The following C7orf78 variants were observed in gnomAD, a reference collection of about 807,000 sequenced individuals.
C7orf78 encodes the protein chromosome 7 open reading frame 78.
chr7:12,503,243 A>G, the C7orf78 span, among the ~76,000 whole-genome samples: 1 of 149,828 alleles, frequency 6.7e-6, no homozygotes, highest in Non-Finnish European at 1.5e-5. Context: ...TAATAAACAA[A>G]TAAATAAAAG....
the C7orf78 span, among the ~76,000 whole-genome samples, chr7:12,526,455 G>A: frequency 6.6e-6 from 1 of 151,928 alleles, no homozygotes. Context: ...GGATTAGGAG[G>A]GACAATATCT....
chr7:12,493,561 A>G, the C7orf78 span, among the ~76,000 whole-genome samples: 1 of 152,214 alleles, frequency 6.6e-6, no homozygotes, highest in East Asian at 1.9e-4. Context: ...AATGATACTC[A>G]TGCTCTTGGT....
chr7:12,521,799 A>G, the C7orf78 span, among the ~76,000 whole-genome samples: 1 of 151,882 alleles, frequency 6.6e-6, no homozygotes, highest in Non-Finnish European at 1.5e-5. Context: ...GGATGAATTT[A>G]AAACTTCTTA....
chr7:12,495,449 T>C, the C7orf78 span, among the ~76,000 whole-genome samples: 4 of 152,212 alleles, frequency 2.6e-5, no homozygotes, highest in Non-Finnish European at 5.9e-5. Flanking sequence ...AATATGGCTT[T>C]ATGAACCTGA....
the C7orf78 span, among the ~76,000 whole-genome samples, chr7:12,493,070 G>T: frequency 6.6e-6 from 1 of 152,090 alleles, no homozygotes; most frequent in African/African-American, 2.4e-5. Context: ...AGACATGGTG[G>T]CACATGCCTG....
chr7:12,532,510 C>T, the C7orf78 span, among the ~76,000 whole-genome samples: 3 of 149,694 alleles, frequency 2.0e-5, no homozygotes, highest in Non-Finnish European at 4.4e-5. Flanking sequence ...CATTGTGCCA[C>T]TGCACACCAG....
the C7orf78 span, chr7:12,506,821 G>GA: frequency 8.9e-5 from 37 of 416,776 alleles, no homozygotes; most frequent in South Asian, 3.6e-4. Flanking sequence ...CTACTGCACT[G>GA]AAAAAATACA....
At chr7:12,502,981 C>G in the C7orf78 span, among the ~76,000 whole-genome samples, 3 of 149,240 alleles carry the variant, frequency 2.0e-5, no homozygotes, top group African/African-American at 7.5e-5. Context: ...ACTATCGCAA[C>G]AACAAAAAAC....
chr7:12,528,599 A>G, the C7orf78 span, among the ~76,000 whole-genome samples: 154 of 152,342 alleles, frequency 1.0e-3, 2 homozygotes, highest in Non-Finnish European at 2.0e-3. Flanking sequence ...CCCTGACTTC[A>G]AACATATTTT....
chr7:12,499,221 T>C, the C7orf78 span, among the ~76,000 whole-genome samples: 1 of 151,746 alleles, frequency 6.6e-6, no homozygotes, highest in Admixed American at 6.6e-5. Flanking sequence ...CAGGATCAAA[T>C]TCACACATAA....
At chr7:12,529,529 A>G in the C7orf78 span, among the ~76,000 whole-genome samples, 1 of 152,214 alleles carries the variant, frequency 6.6e-6, no homozygotes, top group African/African-American at 2.4e-5. Flanking sequence ...ATGACCTGTA[A>G]CACAGTCTCA....
the C7orf78 span, among the ~76,000 whole-genome samples, chr7:12,539,666 C>G: frequency 6.6e-6 from 1 of 152,158 alleles, no homozygotes; most frequent in Non-Finnish European, 1.5e-5. Flanking sequence ...ACACAGAAAG[C>G]CAATCACTGA....
the C7orf78 span, chr7:12,523,409 C>T: frequency 5.0e-6 from 2 of 397,984 alleles, no homozygotes; most frequent in Non-Finnish European, 8.9e-6. Flanking sequence ...CAATCCCAAA[C>T]CACATGACTT....
chr7:12,507,051 A>G, the C7orf78 span: 1 of 399,988 alleles, frequency 2.5e-6, no homozygotes, highest in Non-Finnish European at 4.9e-6. Flanking sequence ...CTGTAATCCC[A>G]GCACTTTGGG....
the C7orf78 span, among the ~76,000 whole-genome samples, chr7:12,525,391 T>C: frequency 1.3e-5 from 2 of 152,176 alleles, no homozygotes; most frequent in Admixed American, 6.6e-5. Context: ...GTTTTTGCTA[T>C]GTGTCTGAAA....
chr7:12,515,007 C>T, the C7orf78 span, among the ~76,000 whole-genome samples: 1 of 152,100 alleles, frequency 6.6e-6, no homozygotes, highest in African/African-American at 2.4e-5. Flanking sequence ...ATGGAGGTAA[C>T]TTTATAGGTA....
chr7:12,484,322 C>T, the C7orf78 span, among the ~76,000 whole-genome samples: 6 of 152,236 alleles, frequency 3.9e-5, no homozygotes, highest in South Asian at 1.0e-3. Context: ...CTTAACATAT[C>T]TAAAAAGTAT....
At chr7:12,500,429 C>T in the C7orf78 span, among the ~76,000 whole-genome samples, 16 of 150,032 alleles carry the variant, frequency 1.1e-4, no homozygotes, top group Non-Finnish European at 3.0e-5. Flanking sequence ...ATACAAACTA[C>T]CATCAGAGAA....
the C7orf78 span, among the ~76,000 whole-genome samples, chr7:12,500,973 CA>C: frequency 1.3e-5 from 2 of 151,478 alleles, no homozygotes; most frequent in Admixed American, 1.3e-4. Flanking sequence ...GAGCCAAAGA[CA>C]AAAACCACAT....
Sources: allele counts gnomAD v4.1 joint callset (sites outside exome capture counted in the v4.1 genomes callset), GRCh38; gene constraint gnomAD v4.1.1; transcripts MANE v1.5; gene names NCBI Gene and HGNC (gene_info 2026-07-23, HGNC 2026-07-21).